The following NEK7 variants were observed in gnomAD, a reference collection of about 807,000 sequenced individuals.
The protein encoded by NEK7 is serine/threonine-protein kinase Nek7.
A neutral mutation model predicts 44.6 loss-of-function variants in NEK7; 18 were observed. That is an observed-to-expected ratio of 0.40 (90% CI 0.28 to 0.60). The LOEUF is 0.60. Ranked by LOEUF, NEK7 falls within the 20% of genes least tolerant of loss-of-function variation. The probability of loss-of-function intolerance (pLI) is 0.38; values close to 1 mark genes in which losing one functional copy is unlikely to be tolerated. For missense variants in NEK7, 256 were observed against 366.5 expected, an observed-to-expected ratio of 0.70 and a Z score of 2.46; for synonymous variants, 130 against 121.1, an observed-to-expected ratio of 1.07 and a Z score of -0.48.
At chr1:198,303,490 G>GA (rs1001440295) in intron 9 of NEK7, among the ~76,000 whole-genome samples, 45 of 148,806 alleles carry the variant, frequency 3.0e-4, no homozygotes, top group South Asian at 1.5e-3. Context: ...ATGTAAATAT[G>GA]AAAAAAAAAC....
chr1:198,305,996 A>G (rs1655014714), intron 9 of NEK7, among the ~76,000 whole-genome samples: 1 of 152,154 alleles, frequency 6.6e-6, no homozygotes, highest in South Asian at 2.1e-4. Flanking sequence ...TACTGTATAT[A>G]AAAGCTTGGG....
At chr1:198,264,570 A>G (rs943805503) in intron 5 of NEK7, among the ~76,000 whole-genome samples, 2 of 151,614 alleles carry the variant, frequency 1.3e-5, no homozygotes, top group Admixed American at 1.3e-4. Context: ...ACATGAGTAA[A>G]AGGAGGTAGA....
At chr1:198,243,054 T>C (rs1666735004) in intron 2 of NEK7, among the ~76,000 whole-genome samples, 1 of 152,130 alleles carries the variant, frequency 6.6e-6, no homozygotes, top group Non-Finnish European at 1.5e-5. Context: ...TTTCCGCTGG[T>C]CCTTGAACAC....
At chr1:198,176,226 T>C (rs768566955) in intron 1 of NEK7, among the ~76,000 whole-genome samples, 3 of 152,198 alleles carry the variant, frequency 2.0e-5, no homozygotes, top group Non-Finnish European at 4.4e-5. Flanking sequence ...TGAGTAGTAG[T>C]TGCTAATACA....
intron 1 of NEK7, among the ~76,000 whole-genome samples, chr1:198,169,548 G>A (rs1483957095): frequency 2.0e-5 from 3 of 149,214 alleles, no homozygotes; most frequent in Admixed American, 1.3e-4. Flanking sequence ...TTTATTTCCT[G>A]TATATTCCCC....
At chr1:198,171,198 A>G (rs1427881100) in intron 1 of NEK7, among the ~76,000 whole-genome samples, 13 of 152,246 alleles carry the variant, frequency 8.5e-5, no homozygotes, top group Admixed American at 8.5e-4. Context: ...CTTTTTTTAA[A>G]TAAATAGAAC....
chr1:198,240,935 C>T (rs1236638214), intron 2 of NEK7, among the ~76,000 whole-genome samples: 4 of 152,186 alleles, frequency 2.6e-5, no homozygotes, highest in Non-Finnish European at 5.9e-5. Context: ...CCTTGTGATC[C>T]ACCCGCCTTG....
At chr1:198,276,607 C>G (rs1654025685) in intron 5 of NEK7, among the ~76,000 whole-genome samples, 1 of 151,584 alleles carries the variant, frequency 6.6e-6, no homozygotes, top group South Asian at 2.1e-4. Flanking sequence ...CCCTGATTTG[C>G]TTTTTAATTA....
intron 1 of NEK7, among the ~76,000 whole-genome samples, chr1:198,196,269 TA>T (rs1156990189): frequency 1.6e-4 from 25 of 152,310 alleles, no homozygotes; most frequent in African/African-American, 5.8e-4. Flanking sequence ...AGCAACCAAG[TA>T]AAAGATGCAT....
At chr1:198,240,158 T>TGTG (rs1295724126) in intron 2 of NEK7, among the ~76,000 whole-genome samples, 1 of 152,222 alleles carries the variant, frequency 6.6e-6, no homozygotes, top group Non-Finnish European at 1.5e-5. Flanking sequence ...AAAATGACTG[T>TGTG]GTGACAATAT....
intron 2 of NEK7, among the ~76,000 whole-genome samples, chr1:198,237,864 T>G (rs1666579535): frequency 1.3e-5 from 2 of 152,210 alleles, no homozygotes; most frequent in South Asian, 2.1e-4. Flanking sequence ...TCACACAGTA[T>G]GTCAACCCTG....
At chr1:198,191,179 C>T (rs1665062805) in intron 1 of NEK7, among the ~76,000 whole-genome samples, 1 of 151,940 alleles carries the variant, frequency 6.6e-6, no homozygotes, top group South Asian at 2.1e-4. Flanking sequence ...CTGTCCTGAA[C>T]ATTTTTGTAT....
chr1:198,269,893 A>G (rs894311986), intron 5 of NEK7, among the ~76,000 whole-genome samples: 1 of 152,084 alleles, frequency 6.6e-6, no homozygotes, highest in South Asian at 2.1e-4. Context: ...TTTTCATCAT[A>G]ATTTCTTCAT....
chr1:198,279,243 G>A (rs538059937), intron 7 of NEK7, among the ~76,000 whole-genome samples, 182 bp downstream of exon 7: 45 of 151,664 alleles, frequency 3.0e-4, no homozygotes, highest in African/African-American at 1.1e-3. Context: ...ATGACAGTTG[G>A]ATACTTCTGT....
rs1220277239 is a variant in NEK7 at position 198,320,228 on chromosome 1, T to C, written c.*706T>C. On this transcript the variant is annotated 3_prime_UTR_variant, in exon 10 of 10. Coordinates refer to ENST00000367385, the MANE Select transcript of NEK7 (RefSeq NM_133494.3). ...GGTATAAATGAATCCATTTAAAAAG[T>C]GGTTAAGGATTTGTTTAGCTGGTGT... 2 of 152,132 alleles carry C rather than the reference T, an allele frequency of 1.3e-5. No individual in the cohort carries two copies. Among genetic ancestry groups the C allele is most frequent in the African/African-American group, 2.4e-5 (1 of 41,450 alleles). 9.4% of individuals were successfully genotyped at this position (152,132 alleles called of 1,614,324 possible). A position where few individuals can be genotyped will look rare whatever the true frequency, so the allele number is the denominator to read the frequency against.
intron 1 of NEK7, among the ~76,000 whole-genome samples, chr1:198,205,946 G>A (rs1239284683): frequency 6.6e-6 from 1 of 152,070 alleles, no homozygotes; most frequent in Non-Finnish European, 1.5e-5. Flanking sequence ...TGGGTTTGGG[G>A]GAAAGAGGAG....
chr1:198,249,587 T>G (rs1271819688), intron 2 of NEK7, among the ~76,000 whole-genome samples: 1 of 152,158 alleles, frequency 6.6e-6, no homozygotes, highest in Non-Finnish European at 1.5e-5. Flanking sequence ...TTCTAACTGG[T>G]GTGAGATGGT....
At chr1:198,315,439 T>C (rs376493061) in intron 9 of NEK7, among the ~76,000 whole-genome samples, 7 of 152,246 alleles carry the variant, frequency 4.6e-5, no homozygotes, top group African/African-American at 1.7e-4. Context: ...GCTGTTCCTA[T>C]TCGGCCATCT....
intron 2 of NEK7, among the ~76,000 whole-genome samples, chr1:198,237,886 TC>T (rs776997837): frequency 5.3e-5 from 8 of 152,196 alleles, no homozygotes; most frequent in Non-Finnish European, 1.0e-4. Context: ...AATATTTTTC[TC>T]CATAGAATGT....
Sources: gnomAD v4.1 joint callset for allele counts (sites outside exome capture counted in the v4.1 genomes callset) on GRCh38, gnomAD v4.1.1 for gene constraint, MANE v1.5 for transcripts, NCBI Gene and HGNC (gene_info 2026-07-23, HGNC 2026-07-21) for gene names.